SLC38A9: variants seen among roughly 807,000 people sequenced by gnomAD.
The protein encoded by SLC38A9 is solute carrier family 38 member 9.
In SLC38A9, 48 loss-of-function variants were observed where a neutral mutation model predicts 62.3. The ratio of observed to expected loss-of-function variants is 0.77; its 90% CI spans 0.61 to 0.98. The LOEUF (loss-of-function observed/expected upper bound fraction) is 0.98. Ranked by LOEUF, SLC38A9 falls within the 50% of genes least tolerant of loss-of-function variation. The pLI, the probability that SLC38A9 is intolerant of heterozygous loss-of-function variation, is 0.00. For missense variants in SLC38A9, 541 were observed against 679.8 expected, an observed-to-expected ratio of 0.80 and a Z score of 2.27; for synonymous variants, 204 against 227.7, an observed-to-expected ratio of 0.90 and a Z score of 0.94.
At position 55,680,827 on chromosome 5, in the gene SLC38A9, G is replaced by A. The variant is rs569862457; in HGVS notation, c.114-8132C>T. ...ACTGGTCATTCAAAAGATGATGGCTGTATTTTCAATCCAGATGGCAAATAT... is the reference window on the plus strand; with the variant it reads ...ACTGGTCATTCAAAAGATGATGGCTATATTTTCAATCCAGATGGCAAATAT... On this transcript the variant is annotated intron_variant, in intron 3 of 15. Coordinates refer to ENST00000396865, the MANE Select transcript of SLC38A9 (RefSeq NM_173514.4). 7.9e-5 allele frequency among the ~76,000 whole-genome samples: 12 copies of A among 152,342 alleles called. No individual in the cohort carries two copies. In the South Asian group the frequency reaches 2.5e-3, roughly 32 times the overall value.
chr5:55,653,741 C>T (rs1464032428), intron 9 of SLC38A9, among the ~76,000 whole-genome samples: 1 of 152,022 alleles, frequency 6.6e-6, no homozygotes, highest in African/African-American at 2.4e-5. Flanking sequence ...TCACTGCAAC[C>T]TCTGCCTCCT....
intron 14 of SLC38A9, among the ~76,000 whole-genome samples, chr5:55,629,223 T>C (rs1742996420): frequency 6.6e-6 from 1 of 152,126 alleles, no homozygotes; most frequent in African/African-American, 2.4e-5. Flanking sequence ...TATTATTATT[T>C]TTTTAAGAGA....
rs925686178 is a variant in SLC38A9, at chr5:55,635,633, T to C, written c.1192A>G (p.Met398Val). The stretch of plus-strand genomic sequence containing the variant: ...TAGAGATAAGTTAATGTCACCAGCA[T>C]ATAAGCAATGCACAAGTCCCTCACC... ...NNVRDLCIAY[M>V]LVTLTYLYIG... The change falls in exon 13 of 16, where the codon ATG becomes GTG. Residue 398 changes from methionine (M) to valine (V), a missense_variant. Transcript: ENST00000396865. The C allele has an allele frequency of 6.2e-7, 1 of 1,613,586 alleles. No individual in the cohort carries two copies. Among genetic ancestry groups the C allele is most frequent in the African/African-American group, 1.3e-5 (1 of 74,926 alleles).
At chr5:55,635,468 G>A (rs781760718) in intron 13 of SLC38A9, 76 bp downstream of exon 13, 4 of 1,034,558 alleles carry the variant, frequency 3.9e-6, no homozygotes, top group Non-Finnish European at 6.0e-6. Context: ...GTTATATCTT[G>A]CCACTGTATC....
chr5:55,641,272 A>C (rs926096108), intron 12 of SLC38A9, among the ~76,000 whole-genome samples: 13 of 152,234 alleles, frequency 8.5e-5, no homozygotes, highest in Admixed American at 2.0e-4. Flanking sequence ...AACAATATGG[A>C]GCAGGCATCT....
At chr5:55,710,067 C>CAAA (rs1174162436) in intron 2 of SLC38A9, among the ~76,000 whole-genome samples, 2 of 20,888 alleles carry the variant, frequency 9.6e-5, no homozygotes, top group African/African-American at 1.3e-4. Flanking sequence ...GACTCCATCT[C>CAAA]AAAAAAAAAA....
rs148122707 is a variant in SLC38A9 at position 55,672,671 on chromosome 5, G to A, written c.138C>T (p.Asn46=). ...SKRPFCIEPT[N]IVNVNHVIQR... is the part of the protein sequence containing the mutation. ...GAATGACATGATTCACATTCACGAT[G>A]TTTGTGGGCTCTATACAGAAAGGCC... Residue 46 remains asparagine (N), a synonymous_variant, in exon 4 of 16, where the codon AAC becomes AAT. Transcript: ENST00000396865. 1.9e-6 allele frequency: 3 copies of A among 1,614,066 alleles called. No individual in the cohort carries two copies. The highest frequency in any genetic ancestry group is 1.7e-5 in the Admixed American group (1 of 60,020).
chr5:55,706,864 T>A (rs767639983), intron 2 of SLC38A9, among the ~76,000 whole-genome samples: 13 of 152,104 alleles, frequency 8.5e-5, no homozygotes, highest in Non-Finnish European at 1.8e-4. Flanking sequence ...TATTTTTTTG[T>A]GTAGATGGTG....
intron 3 of SLC38A9, 148 bp downstream of exon 3, chr5:55,697,698 C>T: frequency 2.6e-6 from 1 of 385,876 alleles, no homozygotes; most frequent in South Asian, 7.6e-5. Flanking sequence ...AATAGTATTC[C>T]TATTTACTTC....
intron 2 of SLC38A9, among the ~76,000 whole-genome samples, chr5:55,709,440 A>G (rs1757711738): frequency 6.6e-6 from 1 of 151,958 alleles, no homozygotes; most frequent in Non-Finnish European, 1.5e-5. Context: ...ATATAGGTCC[A>G]GTGTGGTGGC....
chr5:55,644,965 G>A (rs940541820), intron 12 of SLC38A9, among the ~76,000 whole-genome samples: 27 of 152,142 alleles, frequency 1.8e-4, no homozygotes, highest in African/African-American at 6.5e-4. Flanking sequence ...AGAACATGCG[G>A]TGTTTGGTTT....
chr5:55,693,034 C>A (rs1754960026), intron 3 of SLC38A9: 1 of 982,184 alleles, frequency 1.0e-6, no homozygotes. Context: ...TTAGCTTAAA[C>A]CAACCATCTT....
chr5:55,690,980 A>G (rs1179214393), intron 3 of SLC38A9, among the ~76,000 whole-genome samples: 1 of 152,242 alleles, frequency 6.6e-6, no homozygotes, highest in Non-Finnish European at 1.5e-5. Context: ...AGGCTGCTCT[A>G]TAGTGACAGT....
chr5:55,692,150 G>C lies in SLC38A9; in HGVS notation c.113+5696C>G, dbSNP rs555392737. 2.0e-3 allele frequency among the ~76,000 whole-genome samples: 300 copies of C among 152,282 alleles called. 1 individual carries two copies. The highest frequency in any genetic ancestry group is 3.4e-3 in the Middle Eastern group (1 of 294). On this transcript the variant is annotated intron_variant, in intron 3 of 15. Coordinates refer to ENST00000396865, the MANE Select transcript of SLC38A9 (RefSeq NM_173514.4). ...ACAAGAATAAATGCTATTTAAACTA[G>C]TTGGTATTTAATGCAATGCGTATTA...
intron 3 of SLC38A9, among the ~76,000 whole-genome samples, chr5:55,694,401 A>C (rs1430293394): frequency 6.6e-6 from 1 of 152,160 alleles, no homozygotes; most frequent in African/African-American, 2.4e-5. Context: ...AAGTGCAAGC[A>C]TCAAAACTTA....
chr5:55,664,652 T>C (rs1750160172), intron 8 of SLC38A9, 41 bp downstream of exon 8: 1 of 1,136,908 alleles, frequency 8.8e-7, no homozygotes, highest in South Asian at 2.3e-5. Context: ...GTAATAGTAT[T>C]TGAAAGTACT....
chr5:55,701,424 GA>G (rs1367701264), intron 2 of SLC38A9, among the ~76,000 whole-genome samples: 1 of 152,152 alleles, frequency 6.6e-6, no homozygotes, highest in African/African-American at 2.4e-5. Context: ...AAAATTCTTA[GA>G]ATCACTCATG....
At chr5:55,637,372 A>C (rs183530850) in intron 12 of SLC38A9, among the ~76,000 whole-genome samples, 148 of 152,348 alleles carry the variant, frequency 9.7e-4, no homozygotes, top group African/African-American at 3.4e-3. Flanking sequence ...ACGGCACTAT[A>C]TACTTATCTC....
At position 55,672,695 on chromosome 5, in the gene SLC38A9, C is replaced by T. The variant is rs142241019; in HGVS notation, c.114G>A (p.Arg38=). 41 of 1,612,164 alleles carry T rather than the reference C, an allele frequency of 2.5e-5. No homozygotes were observed. Among genetic ancestry groups the T allele is most frequent in the South Asian group, 2.1e-4 (19 of 90,602 alleles). The stretch of plus-strand genomic sequence containing the variant: ...TGTTTGTGGGCTCTATACAGAAAGG[C>T]CTACAAAGGGAATATACACTTGACA... ...QFEPSDLRSK[R]PFCIEPTNIV... Residue 38 remains arginine (R), a splice_region_variant and synonymous_variant, in exon 4 of 16, where the codon AGG becomes AGA. Coordinates refer to ENST00000396865, the MANE Select transcript of SLC38A9 (RefSeq NM_173514.4).
Sources: gnomAD v4.1 joint callset for allele counts (sites outside exome capture counted in the v4.1 genomes callset) on GRCh38, gnomAD v4.1.1 for gene constraint, MANE v1.5 for transcripts, NCBI Gene and HGNC (gene_info 2026-07-23, HGNC 2026-07-21) for gene names.